The following IL7 variants were observed in gnomAD, a reference collection of about 807,000 sequenced individuals.
IL7 encodes the protein interleukin 7.
In IL7, 3 loss-of-function variants were observed where a neutral mutation model predicts 21.6. The observed-to-expected ratio is 0.14, with a 90% CI of 0.06 to 0.36. IL7 has a LOEUF of 0.36. IL7 is among the 10% of genes least tolerant of loss of function. The pLI is 1.00. For synonymous variants in IL7, 62 were observed against 68.1 expected (o/e 0.91, Z 0.44); for missense variants, 175 against 200.2 (o/e 0.87, Z 0.76).
At chr8:78,719,389 G>C (rs549761082) in intron 5 of IL7, 1 of 151,566 alleles carries the variant, frequency 6.6e-6, no homozygotes, top group Non-Finnish European at 1.5e-5. Context: ...TAGTTCCAGA[G>C]CCCAGAGATT....
downstream of IL7, among the ~76,000 whole-genome samples, chr8:78,714,979 A>G (rs1290464342): frequency 6.6e-6 from 1 of 152,212 alleles, no homozygotes; most frequent in African/African-American, 2.4e-5. Context: ...CATGTAAAGC[A>G]TATATACATA....
chr8:78,737,260 T>A (rs1811626372), intron 4 of IL7, among the ~76,000 whole-genome samples: 2 of 152,006 alleles, frequency 1.3e-5, no homozygotes, highest in South Asian at 4.2e-4. Context: ...GAACCAAGAG[T>A]GGAGGCTTAT....
At chr8:78,781,307 A>G (rs1813322331) in intron 2 of IL7, among the ~76,000 whole-genome samples, 1 of 152,162 alleles carries the variant, frequency 6.6e-6, no homozygotes, top group Non-Finnish European at 1.5e-5. Context: ...GTTGCTTCAT[A>G]GTATCATTGG....
At chr8:78,758,198 GTTTTC>G (rs929528444) in intron 2 of IL7, among the ~76,000 whole-genome samples, 10 of 151,906 alleles carry the variant, frequency 6.6e-5, no homozygotes, top group African/African-American at 2.4e-4. Context: ...GGTCTTTTGT[GTTTTC>G]TTTTCTACCC....
intron 2 of IL7, among the ~76,000 whole-genome samples, chr8:78,780,735 T>A (rs1303984854): frequency 6.6e-6 from 1 of 152,218 alleles, no homozygotes; most frequent in African/African-American, 2.4e-5. Flanking sequence ...GTTCTGTAGA[T>A]ATCTATCAGG....
chr8:78,749,630 G>A (rs772041668), intron 2 of IL7, among the ~76,000 whole-genome samples: 4 of 152,154 alleles, frequency 2.6e-5, no homozygotes, highest in Non-Finnish European at 4.4e-5. Flanking sequence ...AAACAACTTA[G>A]AGAATTAAAA....
At chr8:78,711,969 C>T (rs1326150505) in intron 3 of IL7, 1 of 1,272,000 alleles carries the variant, frequency 7.9e-7, no homozygotes, top group East Asian at 5.6e-5. Flanking sequence ...CTTATGGGTA[C>T]ACCTTTATAT....
At chr8:78,778,839 T>C (rs1586097277) in intron 2 of IL7, among the ~76,000 whole-genome samples, 1 of 152,318 alleles carries the variant, frequency 6.6e-6, no homozygotes, top group East Asian at 1.9e-4. Context: ...TTGGGCAGTA[T>C]GGCCATTTTC....
chr8:78,797,876 G>T, intron 2 of IL7, 196 bp downstream of exon 2: 1 of 431,092 alleles, frequency 2.3e-6, no homozygotes. Context: ...TCTTAGAGTC[G>T]AGGAAAGAAT....
intron 2 of IL7, among the ~76,000 whole-genome samples, chr8:78,792,130 C>A (rs1254473772): frequency 6.6e-6 from 1 of 152,026 alleles, no homozygotes; most frequent in Non-Finnish European, 1.5e-5. Flanking sequence ...CAGAAATAAA[C>A]CCATACATTT....
chr8:78,762,094 G>A (rs896557203), intron 2 of IL7: 7 of 1,598,982 alleles, frequency 4.4e-6, no homozygotes, highest in African/African-American at 4.0e-5. Flanking sequence ...TCAGTGTCCT[G>A]ATTTCATCTT....
intron 3 of IL7, chr8:78,686,430 T>C: frequency 8.0e-7 from 1 of 1,242,952 alleles, no homozygotes; most frequent in Non-Finnish European, 1.0e-6. Flanking sequence ...AGATACTGTT[T>C]GTTTATTTAT....
rs1050746454 is a variant in IL7, at chr8:78,686,584, C to T, written n.215-637G>A. ...CAAAGAGGGTGGCAAACTTCCTCCT[C>T]CTCCTCCACCTTCTTATGATCCTGG... On this transcript the variant is annotated intron_variant and non_coding_transcript_variant, in intron 3 of 4. Coordinates refer to the IL7 transcript ENST00000523959. 11 of 1,527,576 alleles carry T rather than the reference C, an allele frequency of 7.2e-6. No homozygotes were observed. In the East Asian group the frequency reaches 9.7e-5, roughly 13 times the overall value. The allele number at this position is 1,527,576 out of a possible 1,614,324, so 94.6% of individuals were successfully genotyped here.
At chr8:78,762,315 A>T (rs1812591990) in intron 2 of IL7, 10 of 1,603,694 alleles carry the variant, frequency 6.2e-6, no homozygotes, top group Non-Finnish European at 8.5e-6. Context: ...GCTCTCCTAC[A>T]GTTCTCCACC....
At chr8:78,687,518 A>T (rs553620115) in intron 3 of IL7, among the ~76,000 whole-genome samples, 1 of 144,206 alleles carries the variant, frequency 6.9e-6, no homozygotes. Flanking sequence ...ATATATATTT[A>T]TATAATAAAT....
chr8:78,712,518 A>C (rs1810983128), intron 3 of IL7, among the ~76,000 whole-genome samples: 2 of 152,178 alleles, frequency 1.3e-5, no homozygotes, highest in South Asian at 4.1e-4. Context: ...GTGAACTATT[A>C]TAAAAAGCCC....
chr8:78,758,929 C>T (rs1234767887), intron 2 of IL7, among the ~76,000 whole-genome samples: 1 of 151,940 alleles, frequency 6.6e-6, no homozygotes, highest in Non-Finnish European at 1.5e-5. Flanking sequence ...GATATTATTT[C>T]AATAAATAGG....
downstream of IL7, among the ~76,000 whole-genome samples, chr8:78,716,823 T>C (rs1811121642): frequency 6.6e-6 from 1 of 152,120 alleles, no homozygotes; most frequent in Non-Finnish European, 1.5e-5. Flanking sequence ...GACTTCCCCA[T>C]TGCTGTTCTT....
At chr8:78,751,096 AAAAAAAAACTGAT>A (rs888260984) in intron 2 of IL7, among the ~76,000 whole-genome samples, 3 of 151,748 alleles carry the variant, frequency 2.0e-5, no homozygotes, top group African/African-American at 7.2e-5. Context: ...AAATTCAAAA[AAAAAAAAACTGAT>A]AAAAAAGAAC....
Sources: gnomAD v4.1 joint callset for allele counts (sites outside exome capture counted in the v4.1 genomes callset) on GRCh38, gnomAD v4.1.1 for gene constraint, MANE v1.5 for transcripts, NCBI Gene and HGNC (gene_info 2026-07-23, HGNC 2026-07-21) for gene names.